SUGCT: variants seen among roughly 807,000 people sequenced by gnomAD.
The protein encoded by SUGCT is succinyl-CoA:glutarate-CoA transferase.
Under a neutral mutation model 55.0 loss-of-function variants are expected in SUGCT, and 41 were observed. The ratio of observed to expected loss-of-function variants is 0.74; its 90% CI spans 0.58 to 0.97. The LOEUF (loss-of-function observed/expected upper bound fraction) is 0.97. SUGCT is among the 50% of genes least tolerant of loss of function. SUGCT has a pLI of 0.00. For missense variants in SUGCT, 568 were observed against 547.8 expected, an observed-to-expected ratio of 1.04 and a Z score of -0.37; for synonymous variants, 187 against 200.4, an observed-to-expected ratio of 0.93 and a Z score of 0.56.
the SUGCT span, among the ~76,000 whole-genome samples, chr7:40,868,816 C>T: frequency 1.3e-5 from 2 of 152,184 alleles, no homozygotes; most frequent in Admixed American, 6.5e-5. Flanking sequence ...CCAAAGTGCT[C>T]GGATTACAGG....
At chr7:40,323,836 A>C (rs1795872682) in intron 9 of SUGCT, among the ~76,000 whole-genome samples, 1 of 152,110 alleles carries the variant, frequency 6.6e-6, no homozygotes, top group Non-Finnish European at 1.5e-5. Flanking sequence ...TACTTTGCTG[A>C]TGATCTCCCT....
At chr7:40,365,079 T>G (rs1243846259) in intron 9 of SUGCT, among the ~76,000 whole-genome samples, 2 of 152,160 alleles carry the variant, frequency 1.3e-5, no homozygotes, top group Non-Finnish European at 2.9e-5. Flanking sequence ...CAAGTGGGCT[T>G]CATCCCTGGG....
the SUGCT span, among the ~76,000 whole-genome samples, chr7:40,969,402 C>A: frequency 7.2e-5 from 11 of 152,136 alleles, no homozygotes; most frequent in Non-Finnish European, 1.6e-4. Flanking sequence ...GCTCTATTGC[C>A]CAGCCTGGAG....
Position 40,200,559 on chromosome 7 carries a change from C to T in SUGCT, c.484+5499C>T, listed in dbSNP as rs190860896. ...GCAAAGGCTCCGTGGTAGGAAAGAT[C>T]TAGACGCCTTTAAGGATCTAAGAGA... is the stretch of plus-strand genomic sequence containing the variant. On this transcript the variant is annotated intron_variant, in intron 6 of 13. Transcript: ENST00000335693. Among the ~76,000 whole-genome samples, 20 of 152,084 alleles carry T rather than the reference C, an allele frequency of 1.3e-4. No homozygotes were observed. The East Asian group carries it at 3.5e-3, about 27-fold the overall frequency.
intron 6 of SUGCT, among the ~76,000 whole-genome samples, chr7:40,219,152 C>T (rs1034153141): frequency 1.3e-5 from 2 of 152,110 alleles, no homozygotes; most frequent in African/African-American, 4.8e-5. Context: ...ACACTCATGG[C>T]CAAGGTCTGC....
chr7:40,157,475 C>T (rs533807323), intron 1 of SUGCT, among the ~76,000 whole-genome samples: 4 of 152,288 alleles, frequency 2.6e-5, no homozygotes, highest in African/African-American at 9.6e-5. Flanking sequence ...GTAATAATAA[C>T]TCTGATCTCT....
chr7:40,894,919 T>G, the SUGCT span, among the ~76,000 whole-genome samples: 21 of 152,168 alleles, frequency 1.4e-4, no homozygotes, highest in Non-Finnish European at 2.9e-4. Context: ...TCAAGGAACT[T>G]AAAATAGAAC....
intron 12 of SUGCT, among the ~76,000 whole-genome samples, chr7:40,605,970 T>G (rs958997435): frequency 3.3e-5 from 5 of 152,148 alleles, no homozygotes; most frequent in Admixed American, 3.3e-4. Flanking sequence ...CAGTGCCTTG[T>G]CTAGCATGCT....
At chr7:40,929,431 A>G in the SUGCT span, among the ~76,000 whole-genome samples, 19 of 152,306 alleles carry the variant, frequency 1.2e-4, no homozygotes, top group East Asian at 3.5e-3. Context: ...CCCTTTGGGT[A>G]TATACCCAGT....
intron 9 of SUGCT, among the ~76,000 whole-genome samples, chr7:40,363,522 T>G (rs1798258421): frequency 6.6e-6 from 1 of 152,230 alleles, no homozygotes; most frequent in Non-Finnish European, 1.5e-5. Flanking sequence ...GTCTTTGTTC[T>G]CGCTGGTTTC....
At chr7:40,675,134 C>T (rs1013144598) in intron 12 of SUGCT, among the ~76,000 whole-genome samples, 1 of 149,268 alleles carries the variant, frequency 6.7e-6, no homozygotes, top group Non-Finnish European at 1.5e-5. Context: ...GATCTTGGCT[C>T]ACTGCAACCT....
chr7:40,999,446 C>A, the SUGCT span, among the ~76,000 whole-genome samples: 2 of 152,144 alleles, frequency 1.3e-5, no homozygotes, highest in African/African-American at 2.4e-5. Context: ...AAGAGGCCAA[C>A]AGAGAGTAAG....
At chr7:40,350,345 A>G (rs576912600) in intron 9 of SUGCT, among the ~76,000 whole-genome samples, 1 of 147,878 alleles carries the variant, frequency 6.8e-6, no homozygotes, top group South Asian at 2.1e-4. Flanking sequence ...AGAGAGTCTC[A>G]CTCTGTTGCC....
chr7:40,148,992 A>C (rs1179571928), intron 1 of SUGCT, among the ~76,000 whole-genome samples: 1 of 152,002 alleles, frequency 6.6e-6, no homozygotes, highest in Non-Finnish European at 1.5e-5. Flanking sequence ...TTGGTGGGTG[A>C]CCCTGGAGTT....
chr7:40,335,900 T>C lies in SUGCT; in HGVS notation c.816+19045T>C, dbSNP rs1012203603. Among the ~76,000 whole-genome samples, 5 of 152,296 alleles carry C rather than the reference T, an allele frequency of 3.3e-5. No individual in the cohort carries two copies. The East Asian group carries it at 7.7e-4, about 23-fold the overall frequency. On this transcript the variant is annotated intron_variant, in intron 9 of 13. Coordinates refer to ENST00000335693, the MANE Select transcript of SUGCT (RefSeq NM_001193313.2). ...GCTGTGGGTTTGTCATAAATAGCTC[T>C]TATTATTTTGAGATACATCCCATCA...
At chr7:40,685,760 C>T (rs564456256) in intron 12 of SUGCT, among the ~76,000 whole-genome samples, 54 of 151,566 alleles carry the variant, frequency 3.6e-4, no homozygotes, top group African/African-American at 6.6e-4. Context: ...AGTTTTAGGC[C>T]GCACGCATGG....
chr7:40,570,274 T>A (rs1262734648), intron 12 of SUGCT, among the ~76,000 whole-genome samples: 3 of 152,216 alleles, frequency 2.0e-5, no homozygotes, highest in Non-Finnish European at 2.9e-5. Flanking sequence ...TATTTTTTCA[T>A]TTATTTATTG....
chr7:40,298,735 ATTTTT>A (rs572413470), intron 8 of SUGCT, among the ~76,000 whole-genome samples: 1 of 144,948 alleles, frequency 6.9e-6, no homozygotes, highest in African/African-American at 2.5e-5. Context: ...TTGTGAAGGA[ATTTTT>A]TTTTTTTTTG....
chr7:40,229,411 C>T (rs1253308692), intron 6 of SUGCT, among the ~76,000 whole-genome samples: 20 of 151,436 alleles, frequency 1.3e-4, no homozygotes, highest in Admixed American at 8.6e-4. Flanking sequence ...CCCAGCTACT[C>T]GGGAGACTGA....
Sources: allele counts gnomAD v4.1 joint callset (sites outside exome capture counted in the v4.1 genomes callset), GRCh38; gene constraint gnomAD v4.1.1; transcripts MANE v1.5; gene names NCBI Gene and HGNC (gene_info 2026-07-23, HGNC 2026-07-21).